Variants in SETBP1 observed in about 807,000 individuals in gnomAD.
The protein encoded by SETBP1 is SET-binding protein.
SETBP1 carries 9 observed loss-of-function variants against 101.0 expected under a neutral mutation model. The ratio of observed to expected loss-of-function variants is 0.09; its 90% CI spans 0.05 to 0.16. The LOEUF (loss-of-function observed/expected upper bound fraction) is 0.16, where lower values mean the gene tolerates loss of function less well. Ranked by LOEUF, SETBP1 falls within the 10% of genes least tolerant of loss-of-function variation. The pLI is 1.00. For synonymous variants in SETBP1, 818 were observed against 788.5 expected (o/e 1.04, Z -0.63); for missense variants, 1,858 against 2,033.8 (o/e 0.91, Z 1.66).
intron 4 of SETBP1, among the ~76,000 whole-genome samples, chr18:44,999,047 GC>G (rs2072560451): frequency 6.6e-6 from 1 of 152,100 alleles, no homozygotes; most frequent in Non-Finnish European, 1.5e-5. Flanking sequence ...CATCCTTCTG[GC>G]CTCAACTAAT....
At chr18:44,960,148 C>T (rs934300215) in intron 4 of SETBP1, among the ~76,000 whole-genome samples, 6 of 152,040 alleles carry the variant, frequency 3.9e-5, no homozygotes, top group Admixed American at 1.3e-4. Context: ...CCTCCCGCCT[C>T]GGCCACCTAA....
chr18:45,026,820 G>T (rs761300503), intron 4 of SETBP1, among the ~76,000 whole-genome samples: 1 of 152,134 alleles, frequency 6.6e-6, no homozygotes, highest in African/African-American at 2.4e-5. Context: ...GTGCATGCGC[G>T]TGTACACACG....
chr18:45,062,857 T>C (rs2145591539), intron 5 of SETBP1, among the ~76,000 whole-genome samples: 1 of 152,270 alleles, frequency 6.6e-6, no homozygotes. Context: ...ACTGAAATCA[T>C]GTCAATAGAA....
intron 3 of SETBP1, among the ~76,000 whole-genome samples, chr18:44,948,287 C>T (rs934321414): frequency 6.6e-6 from 1 of 152,122 alleles, no homozygotes; most frequent in African/African-American, 2.4e-5. Context: ...CAGGATTTCA[C>T]AAAATCAGAG....
chr18:44,850,739 A>G (rs2072837645), intron 2 of SETBP1, among the ~76,000 whole-genome samples: 1 of 152,170 alleles, frequency 6.6e-6, no homozygotes, highest in African/African-American at 2.4e-5. Context: ...AAACCTTTGT[A>G]TAAAGAAGCA....
At chr18:44,916,097 G>A (rs999122776) in intron 3 of SETBP1, among the ~76,000 whole-genome samples, 9 of 152,062 alleles carry the variant, frequency 5.9e-5, no homozygotes, top group Non-Finnish European at 8.8e-5. Flanking sequence ...ATGGTGGTAC[G>A]CGCCTGTAGT....
At chr18:44,967,345 A>T (rs539774537) in intron 4 of SETBP1, among the ~76,000 whole-genome samples, 2 of 152,240 alleles carry the variant, frequency 1.3e-5, no homozygotes, top group African/African-American at 2.4e-5. Flanking sequence ...AATGTGTATG[A>T]CTATTCAGTA....
chr18:45,000,407 C>T (rs114116386), intron 4 of SETBP1, among the ~76,000 whole-genome samples: 2,023 of 152,154 alleles, frequency 0.013, 47 homozygotes, highest in African/African-American at 0.046. Flanking sequence ...TTGGGCAGCC[C>T]ATGTATTGCC....
chr18:44,680,511 C>T (rs1328678912), upstream of SETBP1: 1 of 152,128 alleles, frequency 6.6e-6, no homozygotes, highest in African/African-American at 2.4e-5. Flanking sequence ...TGCAAAAGTT[C>T]ACGTCGCCTT....
chr18:44,923,228 A>G (rs1390214526), intron 3 of SETBP1, among the ~76,000 whole-genome samples: 2 of 152,224 alleles, frequency 1.3e-5, no homozygotes. Context: ...TGGGCATTTG[A>G]AGAACATGGA....
At chr18:44,798,273 CA>C (rs1164754654) in intron 2 of SETBP1, among the ~76,000 whole-genome samples, 1 of 151,978 alleles carries the variant, frequency 6.6e-6, no homozygotes, top group Non-Finnish European at 1.5e-5. Context: ...AAATGGTGTT[CA>C]AAAATCATAA....
intron 2 of SETBP1, among the ~76,000 whole-genome samples, chr18:44,720,353 T>A (rs1568108158): frequency 6.6e-6 from 1 of 152,228 alleles, no homozygotes; most frequent in African/African-American, 2.4e-5. Flanking sequence ...ATTATGTACA[T>A]GTAAACAAAT....
intron 2 of SETBP1, among the ~76,000 whole-genome samples, chr18:44,723,863 C>T (rs552083130): frequency 2.6e-5 from 4 of 152,186 alleles, no homozygotes; most frequent in South Asian, 4.2e-4. Flanking sequence ...AAATAATGGT[C>T]GCAGCCAAGA....
At position 45,014,449 on chromosome 18, in the gene SETBP1, G is replaced by T. The variant is rs571894664; in HGVS notation, c.4001-24036G>T. On this transcript the variant is annotated intron_variant, in intron 4 of 5. Coordinates refer to ENST00000649279, the MANE Select transcript of SETBP1 (RefSeq NM_015559.3). ...CCTCCTGCTGTTGGATCAGGGCAGC[G>T]CATTTCAATTTAAGCCCATACAGCC... is the stretch of plus-strand genomic sequence containing the variant. Among the ~76,000 whole-genome samples, 11 of 152,292 alleles carry T rather than the reference G, an allele frequency of 7.2e-5. No individual in the cohort carries two copies. The South Asian group carries it at 2.3e-3, about 32-fold the overall frequency.
chr18:45,041,977 A>T (rs963439537), intron 5 of SETBP1, among the ~76,000 whole-genome samples: 38 of 151,446 alleles, frequency 2.5e-4, no homozygotes, highest in Admixed American at 2.1e-3. Flanking sequence ...AAAAAATTTT[A>T]AAAAAAAGAG....
intron 3 of SETBP1, among the ~76,000 whole-genome samples, chr18:44,929,476 T>G (rs2070777644): frequency 6.6e-6 from 1 of 152,194 alleles, no homozygotes; most frequent in Non-Finnish European, 1.5e-5. Context: ...GTGAAGAAAG[T>G]CATTGGTAGC....
At chr18:44,887,377 G>A (rs1464882477) in intron 3 of SETBP1, among the ~76,000 whole-genome samples, 4 of 152,070 alleles carry the variant, frequency 2.6e-5, no homozygotes, top group Non-Finnish European at 4.4e-5. Flanking sequence ...TTTATCTACT[G>A]GGCTGCTGTT....
At chr18:44,850,201 C>T (rs1052064438) in intron 2 of SETBP1, among the ~76,000 whole-genome samples, 1 of 152,094 alleles carries the variant, frequency 6.6e-6, no homozygotes, top group African/African-American at 2.4e-5. Context: ...ATTCCAGTCA[C>T]CCATTGGGAT....
intron 2 of SETBP1, among the ~76,000 whole-genome samples, chr18:44,756,731 T>C (rs1373172513): frequency 2.0e-5 from 3 of 152,190 alleles, no homozygotes; most frequent in Non-Finnish European, 4.4e-5. Flanking sequence ...CTTAATGATG[T>C]AGTATCTTTT....
Sources: gnomAD v4.1 joint callset for allele counts (sites outside exome capture counted in the v4.1 genomes callset) on GRCh38, gnomAD v4.1.1 for gene constraint, MANE v1.5 for transcripts, NCBI Gene and HGNC (gene_info 2026-07-23, HGNC 2026-07-21) for gene names.